Variants in DLGAP3 observed in about 807,000 individuals in gnomAD.
The protein encoded by DLGAP3 is disks large-associated protein 3.
Under a neutral mutation model 81.2 loss-of-function variants are expected in DLGAP3, and 17 were observed. That is an observed-to-expected ratio of 0.21 (90% confidence interval 0.14 to 0.31). DLGAP3 has a LOEUF of 0.31. Among genes scored for constraint, DLGAP3 ranks in the 10% least tolerant of loss-of-function variants. DLGAP3 has a pLI of 1.00. For synonymous variants in DLGAP3, 577 were observed against 587.4 expected (o/e 0.98, Z 0.26); for missense variants, 1,124 against 1,388.0 (o/e 0.81, Z 3.02).
rs554727372 is a variant in DLGAP3 at position 34,885,886 on chromosome 1, C to A, written c.1601-95G>T. 1.0e-5 allele frequency: 12 copies of A among 1,198,906 alleles called. No individual in the cohort carries two copies. The Admixed American group carries it at 2.3e-4, about 23-fold the overall frequency. 74.3% of individuals were successfully genotyped at this position (1,198,906 alleles called of 1,614,324 possible). ...CGACTCCCACCCTCAAGAGGCCCTA[C>A]GGGACCCTGCAGCGGCGCGCACTCC... is the stretch of plus-strand genomic sequence containing the variant. On this transcript the variant is annotated intron_variant, in intron 6 of 11. Coordinates refer to ENST00000373347, the MANE Select transcript of DLGAP3 (RefSeq NM_001080418.3).
chr1:34,878,669 T>C (rs569838015), intron 8 of DLGAP3, among the ~76,000 whole-genome samples: 1 of 152,192 alleles, frequency 6.6e-6, no homozygotes, highest in East Asian at 1.9e-4. Flanking sequence ...AGATCAAATG[T>C]ACAAAAAAAA....
At position 34,865,758 on chromosome 1, in the gene DLGAP3, G is replaced by A. The variant is rs1024377389; in HGVS notation, c.*325C>T. The stretch of plus-strand genomic sequence containing the variant: ...GACGCAGAGCCCAGATGAGGGACCC[G>A]GCCCGGCCTGGCCCGTGGGGGAAAG... On this transcript the variant is annotated 3_prime_UTR_variant, in exon 12 of 12. Transcript: ENST00000373347. 4.8e-5 allele frequency: 19 copies of A among 396,846 alleles called. No homozygotes were observed. The highest frequency in any genetic ancestry group is 8.8e-5 in the Non-Finnish European group (19 of 215,874). The allele number at this position is 396,846 out of a possible 1,614,324, so 24.6% of individuals were successfully genotyped here.
At chr1:34,896,113 C>T (rs180907000) in intron 5 of DLGAP3, among the ~76,000 whole-genome samples, 7 of 152,222 alleles carry the variant, frequency 4.6e-5, no homozygotes, top group African/African-American at 1.4e-4. Flanking sequence ...AATTATGCAT[C>T]ATCAAGTTTA....
chr1:34,904,258 A>G lies in DLGAP3; in HGVS notation c.1107+19T>C. 2 of 1,600,790 alleles carry G rather than the reference A, an allele frequency of 1.2e-6. No homozygotes were observed. The highest frequency in any genetic ancestry group is 1.7e-6 in the Non-Finnish European group (2 of 1,179,940). On this transcript the variant is annotated intron_variant, in intron 3 of 11. Coordinates refer to ENST00000373347, the MANE Select transcript of DLGAP3 (RefSeq NM_001080418.3). This position sits in a 1 kb window ranked among gnomAD's most constrained non-coding sequence, Gnocchi z 8.1. ...GTGAAGGCTAAGGACTCTGTTCCCC[A>G]ACCCCAAAAAAGCCTCACCTGCAGA...
At chr1:34,883,636 A>G (rs1639177097) in intron 8 of DLGAP3, among the ~76,000 whole-genome samples, 1 of 152,212 alleles carries the variant, frequency 6.6e-6, no homozygotes, top group Admixed American at 6.5e-5. Context: ...TGGCACAGTA[A>G]AAGTTTGGTG....
At chr1:34,883,398 A>G (rs1214973755) in intron 8 of DLGAP3, among the ~76,000 whole-genome samples, 1 of 152,246 alleles carries the variant, frequency 6.6e-6, no homozygotes, top group Non-Finnish European at 1.5e-5. Flanking sequence ...ATTAGGAGGA[A>G]TGTGGGGAAC....
At chr1:34,887,048 G>A (rs897365581) in intron 5 of DLGAP3, among the ~76,000 whole-genome samples, 12 of 139,920 alleles carry the variant, frequency 8.6e-5, no homozygotes, top group East Asian at 4.4e-4. Context: ...TCTGCCTCCC[G>A]GGTTCACCCC....
Position 34,899,681 on chromosome 1 carries a change from G to A in DLGAP3, c.1374C>T (p.Leu458=), listed in dbSNP as rs1639425454. 1 of 1,613,716 alleles carries A rather than the reference G, an allele frequency of 6.2e-7. No individual in the cohort carries two copies. The highest frequency in any genetic ancestry group is 1.1e-5 in the South Asian group (1 of 91,056). Residue 458 remains leucine, a synonymous_variant, in exon 5 of 12, where the codon CTC becomes CTT. Transcript: ENST00000373347. ...GGCCTCTCCCTACCTGTCCAGTGGT[G>A]AGGGAACGGCTGTAGCCAGGGATGG... The part of the protein sequence containing the change: ...RSSIPGYSRS[L]TTGQLSDELN...
At chr1:34,869,577 C>A (rs1419328335) in intron 8 of DLGAP3, among the ~76,000 whole-genome samples, 1 of 151,326 alleles carries the variant, frequency 6.6e-6, no homozygotes, top group Non-Finnish European at 1.5e-5. Flanking sequence ...GCAACCTCCG[C>A]CTCCCGGGTT....
intron 5 of DLGAP3, among the ~76,000 whole-genome samples, chr1:34,888,804 C>T (rs1201748457): frequency 1.3e-5 from 2 of 152,272 alleles, no homozygotes; most frequent in Middle Eastern, 3.4e-3. Context: ...TTCTGGGGCA[C>T]CAAAGACAAC....
In DLGAP3 at chr1:34,929,503, G is replaced by A. The variant is rs941252199; in HGVS notation, c.-187C>T. The stretch of plus-strand genomic sequence containing the variant: ...TACATGGTGCCGGCGGCCCGGGCCG[G>A]GGGCGCTGCGGCGTTGGGCAGGCGG... On this transcript the variant is annotated 5_prime_UTR_variant, in exon 1 of 12. Coordinates refer to ENST00000373347, the MANE Select transcript of DLGAP3 (RefSeq NM_001080418.3). The surrounding 1 kb of genome is among the most constrained non-coding windows in gnomAD (Gnocchi z 6.5). 6.7e-6 allele frequency: 1 copy of A among 148,856 alleles called. No individual in the cohort carries two copies. The highest frequency in any genetic ancestry group is 1.5e-5 in the Non-Finnish European group (1 of 66,682). The allele number at this position is 148,856 out of a possible 1,614,324, so 9.2% of individuals were successfully genotyped here.
intron 1 of DLGAP3, among the ~76,000 whole-genome samples, chr1:34,914,429 A>T (rs1416104907): frequency 6.6e-6 from 1 of 152,126 alleles, no homozygotes; most frequent in Non-Finnish European, 1.5e-5. Context: ...CTGCTGAGAG[A>T]GAGGACTTCT....
intron 5 of DLGAP3, among the ~76,000 whole-genome samples, chr1:34,894,576 A>G (rs1639357669): frequency 6.6e-6 from 1 of 152,262 alleles, no homozygotes; most frequent in African/African-American, 2.4e-5. Flanking sequence ...ACAGATGACA[A>G]AAGAATATCT....
chr1:34,909,498 A>T (rs1362244447), intron 1 of DLGAP3, among the ~76,000 whole-genome samples: 1 of 152,206 alleles, frequency 6.6e-6, no homozygotes, highest in Non-Finnish European at 1.5e-5. Flanking sequence ...AAATAATAAA[A>T]TCACTCTTAC....
chr1:34,906,882 G>A (rs1487274112), intron 2 of DLGAP3, among the ~76,000 whole-genome samples: 2 of 152,202 alleles, frequency 1.3e-5, no homozygotes, highest in Non-Finnish European at 2.9e-5. Context: ...TCCAGGAGCT[G>A]CCAGGATAGG....
In DLGAP3 at chr1:34,919,051, G is replaced by A. The variant is rs569058039; in HGVS notation, c.-135+10400C>T. ...GCCATGACACCGCGGGCAGGTGGGC[G>A]GCTCTGGCGGCTGTTTCGGCCCAAC... On this transcript the variant is annotated intron_variant, in intron 1 of 11. Coordinates refer to ENST00000373347, the MANE Select transcript of DLGAP3 (RefSeq NM_001080418.3). Among the ~76,000 whole-genome samples the A allele has an allele frequency of 4.6e-5, 7 of 152,298 alleles. No individual in the cohort carries two copies. The East Asian group carries it at 5.8e-4, about 13-fold the overall frequency.
Position 34,867,265 on chromosome 1 carries a change from C to T in DLGAP3, c.2578-74G>A. 1.3e-6 allele frequency: 2 copies of T among 1,597,076 alleles called. No individual in the cohort carries two copies. The highest frequency in any genetic ancestry group is 1.7e-6 in the Non-Finnish European group (2 of 1,166,026). On this transcript the variant is annotated intron_variant, in intron 10 of 11. Transcript: ENST00000373347. The surrounding 1 kb of genome is among the most constrained non-coding windows in gnomAD (Gnocchi z 4.3). ...GCCCCAGCCAGGACAAGAGAAAGTC[C>T]TATCCACCCTTACTGCCAGGAAGCT...
rs1362172073 is a variant in DLGAP3, at chr1:34,886,252, C to T, written c.1420G>A (p.Val474Met). 1.2e-6 allele frequency: 2 copies of T among 1,605,782 alleles called. No individual in the cohort carries two copies. The highest frequency in any genetic ancestry group is 1.7e-6 in the Non-Finnish European group (2 of 1,176,206). Residue 474 changes from valine (V) to methionine (M), a missense_variant, in exon 6 of 12, where the codon GTG becomes ATG. Physicochemically the swap from Val to Met is conservative, Grantham distance 21. This residue lies in a region of DLGAP3 where 357 missense variants were observed against 408.8 expected (regional missense o/e 0.87). Transcript: ENST00000373347. The stretch of plus-strand genomic sequence containing the variant: ...AGCTCCCCAAACACCGACCCGCACA[C>T]GGCCTCCAGCTGCTGGTTCAACTCA... Reference protein sequence around the residue: ...SDELNQQLEAVCGSVFGELES... With the variant: ...SDELNQQLEAMCGSVFGELES...
rs958503993 is a variant in DLGAP3, at chr1:34,929,164, G to A, written c.-135+287C>T. On this transcript the variant is annotated intron_variant, in intron 1 of 11. Coordinates refer to ENST00000373347, the MANE Select transcript of DLGAP3 (RefSeq NM_001080418.3). This position sits in a 1 kb window ranked among gnomAD's most constrained non-coding sequence, Gnocchi z 6.5. ...CCCAGACCCGAGCCTCCAGCCGGGC[G>A]AGGGCTGGGCCGGGGCTGGCCTGTC... 1.3e-5 allele frequency among the ~76,000 whole-genome samples: 2 copies of A among 151,884 alleles called. No homozygotes were observed. The highest frequency in any genetic ancestry group is 2.9e-5 in the Non-Finnish European group (2 of 67,850).
Sources: allele counts gnomAD v4.1 joint callset (sites outside exome capture counted in the v4.1 genomes callset), GRCh38; gene constraint gnomAD v4.1.1; regional missense constraint gnomAD v4.1.1; non-coding constraint Gnocchi (gnomAD v3.1); transcripts MANE v1.5; gene names NCBI Gene and HGNC (gene_info 2026-07-23, HGNC 2026-07-21).